SLC16A2: variants seen among roughly 807,000 people sequenced by gnomAD.
SLC16A2 encodes monocarboxylate transporter 8.
SLC16A2 carries 3 observed loss-of-function variants against 27.2 expected under a neutral mutation model. The observed-to-expected ratio is 0.11, with a 90% CI of 0.05 to 0.28. The LOEUF (loss-of-function observed/expected upper bound fraction) is 0.28, where lower values mean the gene tolerates loss of function less well. Ranked by LOEUF, SLC16A2 falls within the 10% of genes least tolerant of loss-of-function variation. The probability of loss-of-function intolerance (pLI) is 1.00; values close to 1 mark genes in which losing one functional copy is unlikely to be tolerated. For synonymous variants in SLC16A2, 202 were observed against 187.8 expected (o/e 1.08, Z -0.62); for missense variants, 295 against 458.5 (o/e 0.64, Z 3.26).
intron 1 of SLC16A2, among the ~76,000 whole-genome samples, chrX:74,431,376 A>T (rs780526483): frequency 8.9e-6 from 1 of 112,293 alleles, no homozygotes; most frequent in South Asian, 3.7e-4. Context: ...ACAAACAGAA[A>T]ACCAAATACC....
chrX:74,509,457 T>C (rs73625805), intron 1 of SLC16A2, among the ~76,000 whole-genome samples: 1,583 of 112,268 alleles, frequency 0.014, 34 homozygotes, highest in African/African-American at 0.049. Flanking sequence ...GATGATTATA[T>C]ATACATTTTT....
In SLC16A2 at chrX:74,421,624, G is replaced by A; in HGVS notation, c.-14G>A. On this transcript the variant is annotated 5_prime_UTR_variant, in exon 1 of 6. Coordinates refer to ENST00000587091, the MANE Select transcript of SLC16A2 (RefSeq NM_006517.5). ...GGCTCCTCTGGCCCAAGCAGCCACAGTCCCCCCGCCGCGATGGCGCTGCAA... is the reference window on the plus strand; with the variant it reads ...GGCTCCTCTGGCCCAAGCAGCCACAATCCCCCCGCCGCGATGGCGCTGCAA... 1 of 1,202,666 alleles carries A rather than the reference G, an allele frequency of 8.3e-7. No individual in the cohort carries two copies. The highest frequency in any genetic ancestry group is 1.8e-5 in the South Asian group (1 of 56,111).
chrX:74,494,556 C>T (rs1929898262), intron 1 of SLC16A2, among the ~76,000 whole-genome samples: 2 of 111,333 alleles, frequency 1.8e-5, no homozygotes, highest in African/African-American at 6.5e-5. Context: ...ATGGAGGGTT[C>T]ATGTTATGGT....
At chrX:74,450,967 T>G (rs1365125177) in intron 1 of SLC16A2, among the ~76,000 whole-genome samples, 1 of 112,128 alleles carries the variant, frequency 8.9e-6, no homozygotes, top group Admixed American at 9.5e-5. Flanking sequence ...TAAAGGGAAC[T>G]AGGCAGAAAA....
At chrX:74,479,032 C>T (rs936320271) in intron 1 of SLC16A2, among the ~76,000 whole-genome samples, 1 of 111,516 alleles carries the variant, frequency 9.0e-6, no homozygotes, top group Admixed American at 9.5e-5. Flanking sequence ...TGTTGGCCTG[C>T]CTTGCTAGAT....
chrX:74,460,178 A>T (rs1929111329), intron 1 of SLC16A2, among the ~76,000 whole-genome samples: 3 of 112,088 alleles, frequency 2.7e-5, no homozygotes. Context: ...TAATTGACCA[A>T]GGGTCTTGGC....
At chrX:74,508,333 T>TGG (rs1283431985) in intron 1 of SLC16A2, among the ~76,000 whole-genome samples, 1 of 111,969 alleles carries the variant, frequency 8.9e-6, no homozygotes, top group African/African-American at 3.2e-5. Context: ...CCATGAACAA[T>TGG]ATATATCCCT....
At chrX:74,521,853 C>T (rs895860699) in intron 2 of SLC16A2, among the ~76,000 whole-genome samples, 2 of 112,204 alleles carry the variant, frequency 1.8e-5, no homozygotes, top group Non-Finnish European at 3.8e-5. Flanking sequence ...TAAACTGAAA[C>T]CCTAGTCCCA....
At chrX:74,451,787 C>G (rs1433969054) in intron 1 of SLC16A2, among the ~76,000 whole-genome samples, 2 of 112,980 alleles carry the variant, frequency 1.8e-5, no homozygotes, top group Non-Finnish European at 3.7e-5. Flanking sequence ...TGTCATGGGA[C>G]AAATGTCTTA....
intron 1 of SLC16A2, among the ~76,000 whole-genome samples, chrX:74,479,992 C>G (rs1929580298): frequency 8.9e-6 from 1 of 111,973 alleles, no homozygotes; most frequent in Non-Finnish European, 1.9e-5. Flanking sequence ...GCTGGGAGAA[C>G]CACTACTCTC....
rs1028791329 is a variant in SLC16A2, at chrX:74,520,892, GC to G, written c.431-93del. 5.0e-5 allele frequency: 49 copies of G among 970,439 alleles called. No homozygotes were observed. In the African/African-American group the frequency reaches 8.6e-4, roughly 17 times the overall value. 80.0% of individuals were successfully genotyped at this position (970,439 alleles called of 1,213,427 possible). A position where few individuals can be genotyped will look rare whatever the true frequency, so the allele number is the denominator to read the frequency against. On this transcript the variant is annotated intron_variant, in intron 1 of 5. Transcript: ENST00000587091. ...AGCTGGCAATGCAGACCAATGCAAT[GC>G]CCCCTGTGAAAGGCCAGAGAAGAAG...
rs1225688712 is a variant in SLC16A2 at position 74,524,766 on chromosome X, T to C, written c.983T>C (p.Ile328Thr). The change falls in exon 3 of 6, where the codon ATT (isoleucine) becomes ACT (threonine). Residue 328 changes from isoleucine (I) to threonine (T), a missense_variant. Around this residue, in one of 3 missense-constraint regions of SLC16A2, gnomAD observed 144 missense variants for 219.8 expected, o/e 0.66. Transcript: ENST00000587091. Reference protein sequence around the residue: ...QRTYRIWAFGIAAAALGYFVP... With the variant: ...QRTYRIWAFGTAAAALGYFVP... ...ACTTACCGCATCTGGGCCTTCGGAA[T>C]TGCTGCTGCTGCCCTTGGCTACTTT... The C allele has an allele frequency of 1.7e-6, 2 of 1,210,998 alleles. No individual in the cohort carries two copies. The highest frequency in any genetic ancestry group is 4.3e-5 in the Admixed American group (2 of 45,981).
chrX:74,525,606 T>C, intron 3 of SLC16A2, 144 bp from the exon 4 acceptor site: 1 of 641,369 alleles, frequency 1.6e-6, no homozygotes, highest in Non-Finnish European at 2.5e-6. Context: ...AGAGAGCTTG[T>C]CATGGAGGTA....
At chrX:74,492,753 CAGCTA>C (rs937419646) in intron 1 of SLC16A2, among the ~76,000 whole-genome samples, 2 of 111,490 alleles carry the variant, frequency 1.8e-5, no homozygotes, top group African/African-American at 6.5e-5. Flanking sequence ...CCCCAACGTC[CAGCTA>C]AGCCTGGGGG....
chrX:74,501,018 A>C (rs1930021980), intron 1 of SLC16A2, among the ~76,000 whole-genome samples: 1 of 106,419 alleles, frequency 9.4e-6, no homozygotes, highest in Non-Finnish European at 1.9e-5. Flanking sequence ...CTGGTGCAAA[A>C]GTAATTGCAG....
At chrX:74,525,631 G>A in intron 3 of SLC16A2, 119 bp from the exon 4 acceptor site, 1 of 810,656 alleles carries the variant, frequency 1.2e-6, no homozygotes. Flanking sequence ...TACAGGAGAG[G>A]GGGTTTCTGT....
chrX:74,496,060 C>G (rs1487691797), intron 1 of SLC16A2, among the ~76,000 whole-genome samples: 25 of 111,476 alleles, frequency 2.2e-4, no homozygotes, highest in Non-Finnish European at 2.8e-4. Flanking sequence ...GATAAGGAAG[C>G]AGGAACTTTC....
intron 1 of SLC16A2, among the ~76,000 whole-genome samples, chrX:74,424,592 A>G (rs1240417549): frequency 8.9e-6 from 1 of 112,135 alleles, no homozygotes; most frequent in East Asian, 2.8e-4. Flanking sequence ...ATCAGCCAGT[A>G]TTTGTCCAAT....
At chrX:74,486,014 C>A (rs1228275979) in intron 1 of SLC16A2, among the ~76,000 whole-genome samples, 3 of 111,831 alleles carry the variant, frequency 2.7e-5, no homozygotes, top group African/African-American at 9.8e-5. Context: ...GGAGGGGACC[C>A]AAAGGGGGTT....
Sources: allele counts gnomAD v4.1 joint callset (sites outside exome capture counted in the v4.1 genomes callset), GRCh38; gene constraint gnomAD v4.1.1; regional missense constraint gnomAD v4.1.1; transcripts MANE v1.5; gene names NCBI Gene and HGNC (gene_info 2026-07-23, HGNC 2026-07-21).